FBXL20: variants seen among roughly 807,000 people sequenced by gnomAD.
FBXL20 encodes F-box/LRR-repeat protein 20.
Under a neutral mutation model 64.0 loss-of-function variants are expected in FBXL20, and 11 were observed. The observed-to-expected ratio is 0.17, with a 90% confidence interval of 0.11 to 0.28. The LOEUF is 0.28. FBXL20 is among the 10% of genes least tolerant of loss of function. The probability of loss-of-function intolerance (pLI) is 1.00; values close to 1 mark genes in which losing one functional copy is unlikely to be tolerated. For missense variants in FBXL20, 303 were observed against 526.2 expected, an observed-to-expected ratio of 0.58 and a Z score of 4.15; for synonymous variants, 184 against 189.0, an observed-to-expected ratio of 0.97 and a Z score of 0.22.
chr17:39,374,927 C>T (rs1435526807), intron 1 of FBXL20, among the ~76,000 whole-genome samples: 1 of 152,174 alleles, frequency 6.6e-6, no homozygotes. Context: ...GCCGGGACTA[C>T]AGGCGCGTGC....
chr17:39,355,746 T>C (rs891095467), intron 1 of FBXL20, among the ~76,000 whole-genome samples: 3 of 149,796 alleles, frequency 2.0e-5, no homozygotes, highest in South Asian at 4.2e-4. Context: ...TTCCAGCTAC[T>C]TGGGAGGCTG....
At chr17:39,278,045 C>A (rs1359900124) in intron 9 of FBXL20, among the ~76,000 whole-genome samples, 1 of 152,164 alleles carries the variant, frequency 6.6e-6, no homozygotes, top group African/African-American at 2.4e-5. Flanking sequence ...ACTAAACCCA[C>A]AAATGTACAT....
chr17:39,322,163 C>CCA (rs1555608730), intron 2 of FBXL20, among the ~76,000 whole-genome samples: 2 of 52,550 alleles, frequency 3.8e-5, no homozygotes, highest in African/African-American at 5.6e-5. Flanking sequence ...CTATCTCTAC[C>CCA]AAAAAAAAAA....
intron 2 of FBXL20, among the ~76,000 whole-genome samples, chr17:39,328,860 C>CTAGGCAACA (rs1252316137): frequency 6.6e-6 from 1 of 152,084 alleles, no homozygotes; most frequent in Non-Finnish European, 1.5e-5. Context: ...TCAAGACAGC[C>CTAGGCAACA]TAGGCAACAT....
At chr17:39,351,828 ATGAC>A (rs1473498000) in intron 1 of FBXL20, among the ~76,000 whole-genome samples, 1 of 152,210 alleles carries the variant, frequency 6.6e-6, no homozygotes, top group Non-Finnish European at 1.5e-5. Context: ...TGTGATAGCC[ATGAC>A]TTCTAGGGGT....
chr17:39,392,438 CAAAAAAAA>C (rs67507209), intron 1 of FBXL20, among the ~76,000 whole-genome samples: 4 of 104,004 alleles, frequency 3.8e-5, no homozygotes, highest in Non-Finnish European at 6.5e-5. Flanking sequence ...AGATTGTCTC[CAAAAAAAA>C]AAAAAAAAAG....
chr17:39,336,913 A>G (rs964553262), intron 2 of FBXL20, among the ~76,000 whole-genome samples: 1 of 151,248 alleles, frequency 6.6e-6, no homozygotes, highest in Non-Finnish European at 1.5e-5. Context: ...TAACCTTCAT[A>G]TAACATCATG....
chr17:39,311,052 A>T (rs2047231866), intron 2 of FBXL20, among the ~76,000 whole-genome samples: 1 of 151,994 alleles, frequency 6.6e-6, no homozygotes, highest in Non-Finnish European at 1.5e-5. Flanking sequence ...ATGTAGCCCC[A>T]GCTACTCCAG....
upstream of FBXL20, chr17:39,401,872 G>T: frequency 2.5e-6 from 1 of 400,976 alleles, no homozygotes; most frequent in Non-Finnish European, 3.9e-6. Flanking sequence ...CGAGCCCATC[G>T]GGAGAAGGCG....
chr17:39,392,154 A>G (rs540888714), intron 1 of FBXL20, among the ~76,000 whole-genome samples: 8 of 151,864 alleles, frequency 5.3e-5, no homozygotes, highest in Admixed American at 2.0e-4. Context: ...AAAAGAAAGA[A>G]AACAGCCAGG....
intron 10 of FBXL20, among the ~76,000 whole-genome samples, chr17:39,274,315 G>C (rs1036665309): frequency 1.3e-4 from 20 of 152,194 alleles, no homozygotes; most frequent in African/African-American, 2.4e-4. Context: ...GAGGTGAGAT[G>C]ATCACTTGAG....
rs187284803 is a variant in FBXL20, at chr17:39,302,146, G to A, written c.160-1071C>T. Among the ~76,000 whole-genome samples the A allele has an allele frequency of 1.1e-3, 172 of 151,768 alleles. 5 individuals carry two copies. In the East Asian group the frequency reaches 0.03, roughly 26 times the overall value. On this transcript the variant is annotated intron_variant, in intron 3 of 14. Transcript: ENST00000264658. ...ATGAAGGTAAAACCAAACATCAAAG[G>A]GGACAGTACTCTGAATATTGCTCTA...
At chr17:39,383,090 G>A (rs1293865845) in intron 1 of FBXL20, among the ~76,000 whole-genome samples, 1 of 149,984 alleles carries the variant, frequency 6.7e-6, no homozygotes, top group East Asian at 2.0e-4. Flanking sequence ...TTGAACCCGG[G>A]AGGCAGAGGT....
intron 2 of FBXL20, among the ~76,000 whole-genome samples, chr17:39,309,050 A>G (rs1344912509): frequency 3.3e-5 from 5 of 152,200 alleles, no homozygotes; most frequent in Non-Finnish European, 4.4e-5. Flanking sequence ...AGGATTCCTT[A>G]TTAAAAAGTT....
At chr17:39,263,857 C>T (rs996724185) in intron 14 of FBXL20, 25 of 211,460 alleles carry the variant, frequency 1.2e-4, no homozygotes, top group Non-Finnish European at 2.0e-4. Context: ...TCCTTTAGAA[C>T]AAAAATGTGG....
intron 2 of FBXL20, among the ~76,000 whole-genome samples, chr17:39,326,934 T>C (rs1290350725): frequency 6.7e-6 from 1 of 148,728 alleles, no homozygotes; most frequent in Non-Finnish European, 1.5e-5. Flanking sequence ...CAGACTGGAG[T>C]GCAGTGGAGC....
intron 7 of FBXL20, among the ~76,000 whole-genome samples, chr17:39,284,936 TTC>T (rs1434778849): frequency 9.9e-5 from 3 of 30,360 alleles, no homozygotes; most frequent in Non-Finnish European, 1.6e-4. Flanking sequence ...TGCCCTTTCT[TTC>T]TTTTTTTTTG....
chr17:39,378,720 C>T (rs1343412453), intron 1 of FBXL20, among the ~76,000 whole-genome samples: 1 of 151,692 alleles, frequency 6.6e-6, no homozygotes, highest in Non-Finnish European at 1.5e-5. Flanking sequence ...CGCCATTCTC[C>T]TGCCTCAGCC....
chr17:39,340,338 G>T (rs976343435), intron 2 of FBXL20, among the ~76,000 whole-genome samples: 3 of 151,770 alleles, frequency 2.0e-5, no homozygotes, highest in South Asian at 2.1e-4. Flanking sequence ...CTTGGGATCC[G>T]CCCACCTCGG....
Sources: allele counts gnomAD v4.1 joint callset (sites outside exome capture counted in the v4.1 genomes callset), GRCh38; gene constraint gnomAD v4.1.1; transcripts MANE v1.5; gene names NCBI Gene and HGNC (gene_info 2026-07-23, HGNC 2026-07-21).